The following TSNAX variants were observed in gnomAD, a reference collection of about 807,000 sequenced individuals.
TSNAX encodes translin associated factor X, also known as translin-associated protein X.
A neutral mutation model predicts 33.0 loss-of-function variants in TSNAX; 12 were observed. The observed-to-expected ratio is 0.36, with a 90% confidence interval of 0.23 to 0.59. The LOEUF (loss-of-function observed/expected upper bound fraction) is 0.59, where lower values mean the gene tolerates loss of function less well. Among genes scored for constraint, TSNAX ranks in the 20% least tolerant of loss-of-function variants. The pLI, the probability that TSNAX is intolerant of heterozygous loss-of-function variation, is 0.74. For missense variants in TSNAX, 267 were observed against 341.3 expected, an observed-to-expected ratio of 0.78 and a Z score of 1.72; for synonymous variants, 110 against 117.2, an observed-to-expected ratio of 0.94 and a Z score of 0.40.
intron 2 of TSNAX, 30 bp downstream of exon 2, chr1:231,529,389 G>A (rs1169606707): frequency 6.2e-7 from 1 of 1,603,852 alleles, no homozygotes; most frequent in African/African-American, 1.3e-5. Context: ...AGTTGAAGAA[G>A]GGGAGAGAAC....
chr1:231,547,389 C>CTTTTTTT (rs71179784), intron 4 of TSNAX, among the ~76,000 whole-genome samples: 30 of 104,682 alleles, frequency 2.9e-4, no homozygotes, highest in Non-Finnish European at 4.0e-4. Flanking sequence ...TTTTTTTTTT[C>CTTTTTTT]TTTTTTTTTT....
intron 3 of TSNAX, among the ~76,000 whole-genome samples, chr1:231,541,442 G>T (rs150855852): frequency 6.6e-6 from 1 of 152,058 alleles, no homozygotes; most frequent in Admixed American, 6.6e-5. Context: ...ATCATTTCGC[G>T]TATGGTATAA....
At chr1:231,533,633 TAAA>T (rs1008726455) in intron 2 of TSNAX, among the ~76,000 whole-genome samples, 2 of 152,238 alleles carry the variant, frequency 1.3e-5, no homozygotes, top group Admixed American at 1.3e-4. Flanking sequence ...CAAATTTATT[TAAA>T]AAACTAGAAG....
At chr1:231,558,002 A>C (rs1660800060) in intron 4 of TSNAX, among the ~76,000 whole-genome samples, 1 of 152,134 alleles carries the variant, frequency 6.6e-6, no homozygotes, top group Non-Finnish European at 1.5e-5. Flanking sequence ...GTGAGCAGCC[A>C]CTACCCCTAG....
intron 4 of TSNAX, among the ~76,000 whole-genome samples, chr1:231,552,527 C>T (rs1660386873): frequency 7.0e-6 from 1 of 143,186 alleles, no homozygotes; most frequent in Non-Finnish European, 1.5e-5. Context: ...TTTGGTGACG[C>T]TAACTTGTTT....
intron 3 of TSNAX, among the ~76,000 whole-genome samples, chr1:231,540,173 CAAAAAA>C (rs10714707): frequency 1.4e-5 from 1 of 70,428 alleles, no homozygotes; most frequent in African/African-American, 4.5e-5. Flanking sequence ...GACTCTGTCT[CAAAAAA>C]AAAAAAAAAA....
At chr1:231,564,026 T>C (rs949163260) in intron 5 of TSNAX, among the ~76,000 whole-genome samples, 1 of 152,102 alleles carries the variant, frequency 6.6e-6, no homozygotes, top group Non-Finnish European at 1.5e-5. Context: ...GTAGAAAATA[T>C]AGCAGTCTAA....
At chr1:231,529,381 T>C in intron 2 of TSNAX, 22 bp downstream of exon 2, 1 of 1,609,600 alleles carries the variant, frequency 6.2e-7, no homozygotes, top group Non-Finnish European at 8.5e-7. Context: ...GCAATGTAAG[T>C]TGAAGAAGGG....
At chr1:231,533,919 A>G (rs1327182578) in intron 2 of TSNAX, among the ~76,000 whole-genome samples, 1 of 152,244 alleles carries the variant, frequency 6.6e-6, no homozygotes, top group African/African-American at 2.4e-5. Flanking sequence ...TAACACTGAC[A>G]TAATACTTTA....
chr1:231,556,081 C>T (rs1371187105), intron 4 of TSNAX, among the ~76,000 whole-genome samples: 2 of 152,112 alleles, frequency 1.3e-5, no homozygotes, highest in African/African-American at 2.4e-5. Flanking sequence ...ATGACAATTA[C>T]GGAGACAATG....
At chr1:231,545,025 G>A (rs776024524) in intron 4 of TSNAX, among the ~76,000 whole-genome samples, 13 of 152,110 alleles carry the variant, frequency 8.5e-5, no homozygotes, top group African/African-American at 1.2e-4. Flanking sequence ...TATCTTTTCT[G>A]TAAAAAGTCT....
intron 3 of TSNAX, among the ~76,000 whole-genome samples, chr1:231,540,014 G>C (rs1472660174): frequency 1.3e-5 from 2 of 151,862 alleles, no homozygotes; most frequent in African/African-American, 4.8e-5. Context: ...GCGAAACCCT[G>C]TCTCTACTGA....
chr1:231,535,833 G>A (rs1347189038), intron 2 of TSNAX: 1 of 152,186 alleles, frequency 6.6e-6, no homozygotes, highest in Non-Finnish European at 1.5e-5. Flanking sequence ...GGAAAAGGAT[G>A]TATGAAAGTG....
At position 231,564,576 on chromosome 1, in the gene TSNAX, G is replaced by C. The variant is rs189489803; in HGVS notation, c.544G>C (p.Val182Leu). 7 of 1,614,110 alleles carry C rather than the reference G, an allele frequency of 4.3e-6. No homozygotes were observed. In the African/African-American group the frequency reaches 5.3e-5, roughly 12 times the overall value. The change falls in exon 6 of 6, where the codon GTC becomes CTC. Residue 182 changes from valine to leucine, a missense_variant. Physicochemically the swap from Val to Leu is conservative, Grantham distance 32. Coordinates refer to ENST00000366639, the MANE Select transcript of TSNAX (RefSeq NM_005999.3). ...GCAGTTTGGTACTTGGAGACTGAGA[G>C]TCACACCTGTCGATTACCTTCTGGG... is the stretch of plus-strand genomic sequence containing the variant. ...DKQFGTWRLR[V>L]TPVDYLLGVA...
chr1:231,529,224 G>T (rs759417634), intron 1 of TSNAX, 31 bp from the exon 2 acceptor site: 1 of 1,604,056 alleles, frequency 6.2e-7, no homozygotes. Flanking sequence ...GGTGATGGAA[G>T]ATCCCTCTCT....
In TSNAX at chr1:231,560,417, C is replaced by T. The variant is rs12047784; in HGVS notation, c.368-711C>T. On this transcript the variant is annotated intron_variant, in intron 4 of 5. Coordinates refer to ENST00000366639, the MANE Select transcript of TSNAX (RefSeq NM_005999.3). Reference sequence around the variant, plus strand: ...AGGCTTTTCTTTTCTCCCCCCCCCCCCTTTTTTTTTTTTTGAGACGAAGTC... The same window carrying T: ...AGGCTTTTCTTTTCTCCCCCCCCCCTCTTTTTTTTTTTTTGAGACGAAGTC... Among the ~76,000 whole-genome samples the T allele has an allele frequency of 8.9e-5, 8 of 90,254 alleles. 1 individual carries two copies. The highest frequency in any genetic ancestry group is 2.6e-4 in the African/African-American group (6 of 23,156). The allele number at this position is 90,254 out of a possible 152,430, so 59.2% of individuals were successfully genotyped here. A position where few individuals can be genotyped will look rare whatever the true frequency, so the allele number is the denominator to read the frequency against.
At chr1:231,533,277 T>G (rs1168914922) in intron 2 of TSNAX, among the ~76,000 whole-genome samples, 1 of 152,166 alleles carries the variant, frequency 6.6e-6, no homozygotes, top group Non-Finnish European at 1.5e-5. Context: ...TTTTGTATTT[T>G]TAGTAGACAT....
At chr1:231,546,209 A>G (rs1489970667) in intron 4 of TSNAX, among the ~76,000 whole-genome samples, 1 of 152,188 alleles carries the variant, frequency 6.6e-6, no homozygotes, top group Non-Finnish European at 1.5e-5. Flanking sequence ...GACACCTAAT[A>G]AGTCTCCCGA....
At chr1:231,534,718 T>C (rs1659043659) in intron 2 of TSNAX, 1 of 152,214 alleles carries the variant, frequency 6.6e-6, no homozygotes, top group Admixed American at 6.5e-5. Flanking sequence ...CTTAGTACGT[T>C]TATCTCAAAC....
Sources: gnomAD v4.1 joint callset for allele counts (sites outside exome capture counted in the v4.1 genomes callset) on GRCh38, gnomAD v4.1.1 for gene constraint, MANE v1.5 for transcripts, NCBI Gene and HGNC (gene_info 2026-07-23, HGNC 2026-07-21) for gene names.